The following CSMD2 variants were observed in gnomAD, a reference collection of about 807,000 sequenced individuals.
The protein encoded by CSMD2 is CUB and sushi domain-containing protein 2.
CSMD2 carries 130 observed loss-of-function variants against 398.5 expected under a neutral mutation model. The observed-to-expected ratio is 0.33, with a 90% CI of 0.28 to 0.38. The LOEUF (loss-of-function observed/expected upper bound fraction) is 0.38. Ranked by LOEUF, CSMD2 falls within the 10% of genes least tolerant of loss-of-function variation. The pLI is 1.00. For missense variants in CSMD2, 3,829 were observed against 4,764.9 expected, an observed-to-expected ratio of 0.80 and a Z score of 5.78; for synonymous variants, 1,828 against 1,908.5, an observed-to-expected ratio of 0.96 and a Z score of 1.10.
chr1:34,157,835 CCCATCATGTTCCACT>C (rs1640949009), intron 1 of CSMD2, among the ~76,000 whole-genome samples: 1 of 152,108 alleles, frequency 6.6e-6, no homozygotes, highest in African/African-American at 2.4e-5. Flanking sequence ...CCAATCCCAC[CCCATCATGTTCCACT>C]CCATCTCCTT....
At chr1:34,013,433 C>T in intron 3 of CSMD2, among the ~76,000 whole-genome samples, 1 of 152,186 alleles carries the variant, frequency 6.6e-6, no homozygotes. Flanking sequence ...ACCAGCTCTC[C>T]TGAGACCCCA....
chr1:33,781,508 G>A (rs1652763108), intron 12 of CSMD2, among the ~76,000 whole-genome samples: 1 of 152,154 alleles, frequency 6.6e-6, no homozygotes, highest in Admixed American at 6.5e-5. Flanking sequence ...AAACAGATGA[G>A]CTCATTTCTA....
intron 5 of CSMD2, among the ~76,000 whole-genome samples, chr1:33,912,624 T>C (rs575562869): frequency 1.3e-5 from 2 of 152,114 alleles, no homozygotes; most frequent in Admixed American, 6.5e-5. Flanking sequence ...CAAGCAGAGA[T>C]GCCCCTCCCA....
intron 4 of CSMD2, among the ~76,000 whole-genome samples, chr1:33,927,083 C>T (rs1644152443): frequency 6.6e-6 from 1 of 152,178 alleles, no homozygotes; most frequent in Non-Finnish European, 1.5e-5. Flanking sequence ...AAAGGAGAAG[C>T]CACCATCTTC....
intron 2 of CSMD2, among the ~76,000 whole-genome samples, chr1:34,054,051 A>G (rs1653533298): frequency 1.3e-5 from 2 of 152,226 alleles, no homozygotes; most frequent in Non-Finnish European, 2.9e-5. Context: ...TATACTCTTT[A>G]TCCAACTATT....
chr1:33,831,163 C>T lies in CSMD2; in HGVS notation c.1034-5389G>A, dbSNP rs1232999420. On this transcript the variant is annotated intron_variant, in intron 6 of 70. Coordinates refer to ENST00000373381, the MANE Select transcript of CSMD2 (RefSeq NM_001281956.2). Reference sequence around the variant, plus strand: ...TCAGATTCAGGAAATACAGAGAACGCCACAAAGATACTCCTCGAGAAGAGC... The same window carrying T: ...TCAGATTCAGGAAATACAGAGAACGTCACAAAGATACTCCTCGAGAAGAGC... Among the ~76,000 whole-genome samples the T allele has an allele frequency of 6.6e-5, 10 of 151,924 alleles. No homozygotes were observed. The East Asian group carries it at 9.7e-4, about 15-fold the overall frequency.
At chr1:34,119,927 A>G (rs1235946340) in intron 1 of CSMD2, among the ~76,000 whole-genome samples, 2 of 152,262 alleles carry the variant, frequency 1.3e-5, no homozygotes, top group Non-Finnish European at 2.9e-5. Context: ...GTCTATATCC[A>G]AAAGAAATTG....
At chr1:33,798,160 T>G (rs571935369) in intron 10 of CSMD2, among the ~76,000 whole-genome samples, 31 of 152,298 alleles carry the variant, frequency 2.0e-4, no homozygotes, top group South Asian at 4.1e-4. Flanking sequence ...TTAACTAACA[T>G]GCAGATCAAT....
intron 5 of CSMD2, among the ~76,000 whole-genome samples, chr1:33,885,899 G>C (rs1288154331): frequency 6.6e-6 from 1 of 152,104 alleles, no homozygotes; most frequent in African/African-American, 2.4e-5. Context: ...TCTTGGGCAG[G>C]CTAGGTTAAC....
At chr1:33,601,704 T>C (rs961460765) in intron 43 of CSMD2, among the ~76,000 whole-genome samples, 15 of 152,264 alleles carry the variant, frequency 9.9e-5, no homozygotes, top group African/African-American at 3.6e-4. Flanking sequence ...TATCAAATGC[T>C]AATTTGTATT....
chr1:34,051,681 G>C (rs1202975741), intron 2 of CSMD2, among the ~76,000 whole-genome samples: 1 of 152,124 alleles, frequency 6.6e-6, no homozygotes, highest in Non-Finnish European at 1.5e-5. Context: ...CTCTGGTGAG[G>C]GGTTAATGCA....
intron 15 of CSMD2, among the ~76,000 whole-genome samples, chr1:33,736,062 T>C (rs1015361267): frequency 3.3e-5 from 5 of 152,194 alleles, no homozygotes; most frequent in Admixed American, 6.5e-5. Flanking sequence ...TGGCATCAAA[T>C]GCCCATCGCT....
At position 33,600,966 on chromosome 1, in the gene CSMD2, C is replaced by T. The variant is rs140769172; in HGVS notation, c.6755G>A (p.Arg2252Gln). The part of the protein sequence containing the change: ...QTAPRLGVFT[R>Q]SMAKKTVQSS... ...CTGCACTGTTTTCTTGGCCATGCTC[C>T]GGGTGAAGACGCCGAGCCGTGGTGC... Residue 2252 changes from arginine (R) to glutamine (Q), a missense_variant, in exon 44 of 71, where the codon CGG becomes CAG. Transcript: ENST00000373381. The T allele has an allele frequency of 4.0e-3, 6,400 of 1,614,096 alleles. 12 individuals are homozygous for T. The highest frequency in any genetic ancestry group is 5.0e-3 in the Non-Finnish European group (5,946 of 1,180,020).
At chr1:33,759,629 G>A (rs1649557084) in intron 13 of CSMD2, among the ~76,000 whole-genome samples, 1 of 152,002 alleles carries the variant, frequency 6.6e-6, no homozygotes, top group Admixed American at 6.6e-5. Flanking sequence ...CCAGCCCAGA[G>A]CTTGAGTTTC....
chr1:33,531,333 G>A (rs1366843094), intron 64 of CSMD2, among the ~76,000 whole-genome samples: 3 of 152,114 alleles, frequency 2.0e-5, no homozygotes, highest in Non-Finnish European at 4.4e-5. Flanking sequence ...CACTAAAACA[G>A]GATGGACAAG....
chr1:33,710,425 GA>G (rs1448016348), intron 21 of CSMD2, among the ~76,000 whole-genome samples: 1 of 152,222 alleles, frequency 6.6e-6, no homozygotes, highest in African/African-American at 2.4e-5. Context: ...ATGAATGAAT[GA>G]ATGGATATGG....
intron 1 of CSMD2, among the ~76,000 whole-genome samples, chr1:34,102,674 G>GCCATATCCCTGTGATCCAA (rs1558390727): frequency 0.023 from 2,607 of 114,684 alleles, 76 homozygotes; most frequent in East Asian, 0.086. Flanking sequence ...CTGTAATCCG[G>GCCATATCCCTGTGATCCAA]CCATATCCCT....
rs774397249 is a variant in CSMD2 at position 33,519,630 on chromosome 1, G to T, written c.10784C>A (p.Thr3595Asn). 1.2e-6 allele frequency: 2 copies of T among 1,614,088 alleles called. No homozygotes were observed. Among genetic ancestry groups the T allele is most frequent in the Non-Finnish European group, 1.7e-6 (2 of 1,180,002 alleles). Reference protein sequence around the residue: ...PFNGYAGHENTNVRATFENPM... With the variant: ...PFNGYAGHENNNVRATFENPM... ...GTTCTCAAATGTGGCCCGAACATTG[G>T]TGTTCTCGTGGCCAGCATAGCCATT... The change falls in exon 70 of 71, where the codon ACC (threonine) becomes AAC (asparagine). Residue 3595 changes from threonine to asparagine, a missense_variant. By Grantham distance (65) the Thr-to-Asn change is moderately conservative. Around this residue, in one of 5 missense-constraint regions of CSMD2, gnomAD observed 917 missense variants for 1,199.5 expected, o/e 0.76. Coordinates refer to ENST00000373381, the MANE Select transcript of CSMD2 (RefSeq NM_001281956.2). The surrounding 1 kb of genome is among the most constrained non-coding windows in gnomAD (Gnocchi z 5.6).
rs1269101717 is a variant in CSMD2 at position 33,557,976 on chromosome 1, T to C, written c.8555-54A>G. 3.4e-6 allele frequency: 5 copies of C among 1,484,906 alleles called. No individual in the cohort carries two copies. In the East Asian group the frequency reaches 7.5e-5, roughly 22 times the overall value. 92.0% of individuals were successfully genotyped at this position (1,484,906 alleles called of 1,614,324 possible). Reference sequence around the variant, plus strand: ...ATGGATTCCCAGTATAGTAAAATCTTCCGAGCAAAACTAGGCAATGAAGCA... The same window carrying C: ...ATGGATTCCCAGTATAGTAAAATCTCCCGAGCAAAACTAGGCAATGAAGCA... On this transcript the variant is annotated intron_variant, in intron 54 of 70. Transcript: ENST00000373381.
Sources: allele counts gnomAD v4.1 joint callset (sites outside exome capture counted in the v4.1 genomes callset), GRCh38; gene constraint gnomAD v4.1.1; regional missense constraint gnomAD v4.1.1; non-coding constraint Gnocchi (gnomAD v3.1); transcripts MANE v1.5; gene names NCBI Gene and HGNC (gene_info 2026-07-23, HGNC 2026-07-21).